Variants in HEMK2 observed in about 807,000 individuals in gnomAD.
HEMK2 encodes the protein HemK methyltransferase 2, ETF1 glutamine and histone H4 lysine, also known as methyltransferase HEMK2.
the HEMK2 span, among the ~76,000 whole-genome samples, chr21:28,785,581 T>A: frequency 6.6e-6 from 1 of 152,248 alleles, no homozygotes. Flanking sequence ...TATCAGCAAA[T>A]GTTACACAAG....
At chr21:28,675,833 A>G in the HEMK2 span, among the ~76,000 whole-genome samples, 1 of 152,236 alleles carries the variant, frequency 6.6e-6, no homozygotes, top group Non-Finnish European at 1.5e-5. Flanking sequence ...AGTGGACAGT[A>G]AAAGTAATCC....
the HEMK2 span, among the ~76,000 whole-genome samples, chr21:28,757,541 A>G: frequency 1.3e-5 from 2 of 152,158 alleles, no homozygotes; most frequent in African/African-American, 2.4e-5. Flanking sequence ...GCCCAAATAC[A>G]GATGTGTTAG....
chr21:28,690,498 T>C, the HEMK2 span, among the ~76,000 whole-genome samples: 4 of 151,998 alleles, frequency 2.6e-5, no homozygotes, highest in Admixed American at 1.3e-4. Flanking sequence ...CATGAGAAAA[T>C]AAATTGTGGT....
the HEMK2 span, among the ~76,000 whole-genome samples, chr21:28,658,260 C>T: frequency 6.6e-6 from 1 of 152,066 alleles, no homozygotes; most frequent in Non-Finnish European, 1.5e-5. Context: ...AAAAGAATAA[C>T]TGGAGCCTCT....
At chr21:28,717,503 G>A in the HEMK2 span, among the ~76,000 whole-genome samples, 7 of 99,180 alleles carry the variant, frequency 7.1e-5, no homozygotes, top group African/African-American at 1.6e-4. Flanking sequence ...TTTTTGAGAC[G>A]GAGTCTCACT....
At chr21:28,696,579 C>T in the HEMK2 span, among the ~76,000 whole-genome samples, 1 of 152,144 alleles carries the variant, frequency 6.6e-6, no homozygotes, top group Admixed American at 6.5e-5. Flanking sequence ...ACGGTGCAAG[C>T]AGTCTGGATC....
At chr21:28,772,383 A>T in the HEMK2 span, among the ~76,000 whole-genome samples, 24 of 152,288 alleles carry the variant, frequency 1.6e-4, no homozygotes, top group Non-Finnish European at 2.4e-4. Context: ...CAACTTGTTT[A>T]AAGTATTGCC....
At chr21:28,646,099 T>C in the HEMK2 span, among the ~76,000 whole-genome samples, 3 of 152,232 alleles carry the variant, frequency 2.0e-5, no homozygotes, top group Non-Finnish European at 2.9e-5. Flanking sequence ...TGAGGGTCAC[T>C]TGATGAAATA....
chr21:28,752,806 GATA>G, the HEMK2 span, among the ~76,000 whole-genome samples: 29,346 of 152,034 alleles, frequency 0.19, 3,512 homozygotes, highest in African/African-American at 0.34. Context: ...CAAAATGTAA[GATA>G]TTATTGTTGT....
the HEMK2 span, among the ~76,000 whole-genome samples, chr21:28,635,208 TCTCCTGCCTGAGC>T: frequency 1.3e-5 from 2 of 151,968 alleles, no homozygotes; most frequent in Admixed American, 1.3e-4. Flanking sequence ...TTCAAGTGAT[TCTCCTGCCTGAGC>T]CTCCCAAGCT....
chr21:28,884,102 T>A, the HEMK2 span, among the ~76,000 whole-genome samples: 1 of 152,210 alleles, frequency 6.6e-6, no homozygotes, highest in African/African-American at 2.4e-5. Flanking sequence ...GGCTTCTCTT[T>A]GAAAATAACT....
chr21:28,837,179 C>T, the HEMK2 span, among the ~76,000 whole-genome samples: 64 of 152,298 alleles, frequency 4.2e-4, no homozygotes, highest in East Asian at 0.012. Context: ...TTAAACTATA[C>T]TTTGGAACAA....
chr21:28,827,586 G>A, the HEMK2 span, among the ~76,000 whole-genome samples: 1 of 152,200 alleles, frequency 6.6e-6, no homozygotes. Context: ...AAGGGGAAAT[G>A]AATCACAGTG....
chr21:28,766,168 G>T, the HEMK2 span, among the ~76,000 whole-genome samples: 2 of 152,108 alleles, frequency 1.3e-5, no homozygotes, highest in Admixed American at 6.6e-5. Context: ...TTGGAGGACT[G>T]GGGGAGGGAT....
the HEMK2 span, among the ~76,000 whole-genome samples, chr21:28,806,382 A>C: frequency 6.6e-6 from 1 of 152,198 alleles, no homozygotes; most frequent in Non-Finnish European, 1.5e-5. Flanking sequence ...TTAACTCAGT[A>C]AACTTGGTAG....
the HEMK2 span, among the ~76,000 whole-genome samples, chr21:28,679,632 T>C: frequency 2.6e-5 from 4 of 152,130 alleles, no homozygotes; most frequent in African/African-American, 4.8e-5. Context: ...TATTCCAAAA[T>C]TGACCACATA....
At chr21:28,601,561 T>C in the HEMK2 span, among the ~76,000 whole-genome samples, 1 of 151,960 alleles carries the variant, frequency 6.6e-6, no homozygotes, top group Non-Finnish European at 1.5e-5. Context: ...ATCTCCTCCC[T>C]TGGTTTTAGT....
At chr21:28,828,318 A>G in the HEMK2 span, among the ~76,000 whole-genome samples, 1 of 152,166 alleles carries the variant, frequency 6.6e-6, no homozygotes, top group Non-Finnish European at 1.5e-5. Flanking sequence ...TGGGCTTATC[A>G]TGAGAGATTT....
the HEMK2 span, among the ~76,000 whole-genome samples, chr21:28,632,506 A>G: frequency 6.6e-6 from 1 of 152,246 alleles, no homozygotes; most frequent in East Asian, 1.9e-4. Context: ...AATTATTCTC[A>G]GTAACAGCAT....
Sources: allele counts gnomAD v4.1 joint callset (sites outside exome capture counted in the v4.1 genomes callset), GRCh38; gene constraint gnomAD v4.1.1; transcripts MANE v1.5; gene names NCBI Gene and HGNC (gene_info 2026-07-23, HGNC 2026-07-21).